Variants in LARP4B observed in about 807,000 individuals in gnomAD.
LARP4B encodes La ribonucleoprotein 4B.
In LARP4B, 12 loss-of-function variants were observed where a neutral mutation model predicts 89.8. The ratio of observed to expected loss-of-function variants is 0.13; its 90% CI spans 0.09 to 0.22. The LOEUF (loss-of-function observed/expected upper bound fraction) is 0.22. Ranked by LOEUF, LARP4B falls within the 10% of genes least tolerant of loss-of-function variation. The probability of loss-of-function intolerance (pLI) is 1.00; values close to 1 mark genes in which losing one functional copy is unlikely to be tolerated. For synonymous variants in LARP4B, 367 were observed against 363.3 expected, an observed-to-expected ratio of 1.01 and a Z score of -0.12; for missense variants, 757 against 947.7, an observed-to-expected ratio of 0.80 and a Z score of 2.64.
At chr10:844,743 C>T (rs1231459914) in intron 6 of LARP4B, among the ~76,000 whole-genome samples, 1 of 151,828 alleles carries the variant, frequency 6.6e-6, no homozygotes. Context: ...GGGCGGGGCA[C>T]TTTAGACGCA....
intron 1 of LARP4B, among the ~76,000 whole-genome samples, chr10:930,455 G>A (rs1048956577): frequency 2.0e-5 from 3 of 152,228 alleles, no homozygotes; most frequent in Admixed American, 6.5e-5. Context: ...AGCCAGATAG[G>A]AGGTAGTTTT....
chr10:922,169 C>G (rs1035766828), intron 1 of LARP4B, among the ~76,000 whole-genome samples: 21 of 152,178 alleles, frequency 1.4e-4, no homozygotes, highest in African/African-American at 4.3e-4. Flanking sequence ...AAGGAGCATG[C>G]GACCTAGATC....
At chr10:970,320 C>T in the LARP4B span, among the ~76,000 whole-genome samples, 1 of 152,192 alleles carries the variant, frequency 6.6e-6, no homozygotes, top group Non-Finnish European at 1.5e-5. Context: ...CTTTTGGAAG[C>T]CGGAGCTCCT....
chr10:858,081 AT>A (rs1305727579), intron 5 of LARP4B, among the ~76,000 whole-genome samples: 1 of 152,142 alleles, frequency 6.6e-6, no homozygotes, highest in Non-Finnish European at 1.5e-5. Flanking sequence ...AAAATTAAAA[AT>A]TTTTTAAGCT....
intron 7 of LARP4B, among the ~76,000 whole-genome samples, chr10:838,451 C>G (rs1052985492): frequency 6.6e-6 from 1 of 152,060 alleles, no homozygotes; most frequent in African/African-American, 2.4e-5. Flanking sequence ...AAAAAATGGG[C>G]AGAAGACCTG....
chr10:808,750 C>G (rs75773535), downstream of LARP4B: 3 of 125,720 alleles, frequency 2.4e-5, no homozygotes, highest in African/African-American at 7.8e-5. Context: ...TGCGTGTGCA[C>G]GCACACACAC....
At chr10:907,307 C>T (rs1588979774) in intron 1 of LARP4B, among the ~76,000 whole-genome samples, 1 of 152,106 alleles carries the variant, frequency 6.6e-6, no homozygotes, top group East Asian at 1.9e-4. Flanking sequence ...AATATGAAGC[C>T]CAGAAAATGG....
rs559703847 is a variant in LARP4B at position 900,116 on chromosome 10, C to A, written c.-39-14356G>T. On this transcript the variant is annotated intron_variant, in intron 1 of 17. Transcript: ENST00000316157. ...ATCCCACCACTTTGGGAGGCCGAGGCGGGTGGATCATCTGAGGTCAGGAGT... is the reference window on the plus strand; with the variant it reads ...ATCCCACCACTTTGGGAGGCCGAGGAGGGTGGATCATCTGAGGTCAGGAGT... Among the ~76,000 whole-genome samples the A allele has an allele frequency of 2.6e-5, 4 of 152,088 alleles. No homozygotes were observed. In the East Asian group the frequency reaches 7.7e-4, roughly 29 times the overall value.
chr10:906,199 A>C (rs544290247), intron 1 of LARP4B, among the ~76,000 whole-genome samples: 1 of 152,192 alleles, frequency 6.6e-6, no homozygotes, highest in Non-Finnish European at 1.5e-5. Flanking sequence ...AGACAGGAAA[A>C]CCCTCTGAAT....
the LARP4B span, among the ~76,000 whole-genome samples, chr10:977,457 T>C: frequency 1.3e-5 from 2 of 151,828 alleles, no homozygotes; most frequent in African/African-American, 2.4e-5. Context: ...GAGAATCACT[T>C]GAACCTGGGA....
the LARP4B span, among the ~76,000 whole-genome samples, chr10:973,840 G>A: frequency 6.6e-6 from 1 of 152,184 alleles, no homozygotes; most frequent in Non-Finnish European, 1.5e-5. Flanking sequence ...CAGGGAAGCA[G>A]TGATACCGTG....
upstream of LARP4B, chr10:931,707 C>A (rs1193606369): frequency 1.3e-5 from 2 of 151,602 alleles, no homozygotes; most frequent in Non-Finnish European, 3.0e-5. Flanking sequence ...ACACAGCTCC[C>A]ACTTCCGGGG....
chr10:935,722 CTTTTTT>C (rs10711022), upstream of LARP4B, among the ~76,000 whole-genome samples: 1 of 83,920 alleles, frequency 1.2e-5, no homozygotes, highest in Non-Finnish European at 2.3e-5. Flanking sequence ...CTTTTCTTTT[CTTTTTT>C]TTTTTTTTTT....
chr10:880,266 C>G (rs1454233507), intron 3 of LARP4B, among the ~76,000 whole-genome samples: 1 of 152,306 alleles, frequency 6.6e-6, no homozygotes, highest in Admixed American at 6.5e-5. Context: ...AATAATTAAT[C>G]TGAATTGCTA....
chr10:864,270 C>T lies in LARP4B; in HGVS notation c.142G>A (p.Val48Ile). Residue 48 changes from valine (V) to isoleucine (I), a missense_variant and splice_region_variant, in exon 4 of 18, where the codon GTA becomes ATA. Coordinates refer to ENST00000316157, the MANE Select transcript of LARP4B (RefSeq NM_015155.3). The part of the protein sequence containing the change: ...QTSSIPPLSQ[V>I]PATKVSELNP... ...AGCTCTGAAACCTTAGTTGCTGGTA[C>T]CTAGGAAGAAATGTAAGATAGACAT... The T allele has an allele frequency of 6.2e-7, 1 of 1,613,994 alleles. No homozygotes were observed. The highest frequency in any genetic ancestry group is 1.3e-5 in the African/African-American group (1 of 74,994).
chr10:947,965 GA>G, the LARP4B span, among the ~76,000 whole-genome samples: 2 of 152,056 alleles, frequency 1.3e-5, no homozygotes, highest in Non-Finnish European at 2.9e-5. Flanking sequence ...AAAAGTGGCT[GA>G]AAACTTACCA....
chr10:959,326 GCAATCCCACCTCCTCAT>G, the LARP4B span, among the ~76,000 whole-genome samples: 4 of 147,728 alleles, frequency 2.7e-5, no homozygotes, highest in African/African-American at 7.9e-5. Flanking sequence ...TGCTGGTTCA[GCAATCCCACCTCCTCAT>G]CAATCCCACC....
chr10:923,665 G>C (rs1837051432), intron 1 of LARP4B, among the ~76,000 whole-genome samples: 1 of 152,096 alleles, frequency 6.6e-6, no homozygotes, highest in Admixed American at 6.6e-5. Flanking sequence ...CACCTTTAAA[G>C]AAAATTTTAA....
At chr10:910,634 G>A (rs1256417425) in intron 1 of LARP4B, among the ~76,000 whole-genome samples, 2 of 152,218 alleles carry the variant, frequency 1.3e-5, no homozygotes, top group Admixed American at 6.5e-5. Context: ...GAGTTCCGCA[G>A]ACAACTGCCT....
Sources: allele counts gnomAD v4.1 joint callset (sites outside exome capture counted in the v4.1 genomes callset), GRCh38; gene constraint gnomAD v4.1.1; transcripts MANE v1.5; gene names NCBI Gene and HGNC (gene_info 2026-07-23, HGNC 2026-07-21).